The following TRPC7 variants were observed in gnomAD, a reference collection of about 807,000 sequenced individuals.
TRPC7 encodes the protein transient receptor potential cation channel subfamily C member 7.
Under a neutral mutation model 90.1 loss-of-function variants are expected in TRPC7, and 42 were observed. The observed-to-expected ratio is 0.47, with a 90% CI of 0.36 to 0.60. The LOEUF is 0.60. Among genes scored for constraint, TRPC7 ranks in the 20% least tolerant of loss-of-function variants. The probability of loss-of-function intolerance (pLI) is 0.00; values close to 1 mark genes in which losing one functional copy is unlikely to be tolerated. For synonymous variants in TRPC7, 451 were observed against 436.3 expected, an observed-to-expected ratio of 1.03 and a Z score of -0.42; for missense variants, 955 against 1,112.3, an observed-to-expected ratio of 0.86 and a Z score of 2.01.
intron 2 of TRPC7, among the ~76,000 whole-genome samples, chr5:136,332,562 G>T (rs1197297474): frequency 6.6e-6 from 1 of 152,162 alleles, no homozygotes; most frequent in African/African-American, 2.4e-5. Context: ...ACGTGACTTG[G>T]ACCAGAAGGG....
chr5:136,343,886 CA>C (rs1455872774), intron 2 of TRPC7, among the ~76,000 whole-genome samples: 1 of 152,050 alleles, frequency 6.6e-6, no homozygotes, highest in Non-Finnish European at 1.5e-5. Context: ...TTTAATACCT[CA>C]AGACAGAAAT....
intron 2 of TRPC7, among the ~76,000 whole-genome samples, chr5:136,339,839 G>GCAA (rs10573372): frequency 0.018 from 2,438 of 138,216 alleles, 29 homozygotes; most frequent in African/African-American, 0.027. Context: ...TCTCTCTACT[G>GCAA]CAACAACAAC....
At position 136,247,368 on chromosome 5, in the gene TRPC7, A is replaced by G; in HGVS notation, c.1844+103T>C. On this transcript the variant is annotated intron_variant, in intron 7 of 11. Coordinates refer to ENST00000513104, the MANE Select transcript of TRPC7 (RefSeq NM_020389.3). This position sits in a 1 kb window ranked among gnomAD's most constrained non-coding sequence, Gnocchi z 4.2. ...AAAGTTGCCTTTAACCTTGAGAGAT[A>G]GCAAGGAAACAGCAGTCTCTGCAAG... 1 of 1,295,084 alleles carries G rather than the reference A, an allele frequency of 7.7e-7. No homozygotes were observed. 80.2% of individuals were successfully genotyped at this position (1,295,084 alleles called of 1,614,324 possible).
At chr5:136,229,413 T>C (rs1020848551) in intron 8 of TRPC7, among the ~76,000 whole-genome samples, 1 of 152,182 alleles carries the variant, frequency 6.6e-6, no homozygotes, top group Non-Finnish European at 1.5e-5. Context: ...TATCATAGAC[T>C]GAATTGTGTC....
chr5:136,266,465 T>C (rs1185395188), intron 4 of TRPC7, 29 bp from the exon 5 acceptor site: 3 of 1,590,814 alleles, frequency 1.9e-6, no homozygotes, highest in South Asian at 2.2e-5. Flanking sequence ...CAAGACATGT[T>C]AAACTGTCTC....
chr5:136,358,509 G>C (rs1330784786), intron 1 of TRPC7, among the ~76,000 whole-genome samples: 1 of 152,192 alleles, frequency 6.6e-6, no homozygotes, highest in Admixed American at 6.5e-5. Context: ...GACAGACTTT[G>C]AAGTTAGAAG....
chr5:136,283,791 A>T (rs995055325), intron 3 of TRPC7, among the ~76,000 whole-genome samples: 3 of 152,254 alleles, frequency 2.0e-5, no homozygotes, highest in African/African-American at 7.2e-5. Flanking sequence ...CCCAGCATCA[A>T]CCTGACCAAC....
At chr5:136,321,063 T>G (rs970613656) in intron 2 of TRPC7, among the ~76,000 whole-genome samples, 3 of 152,206 alleles carry the variant, frequency 2.0e-5, no homozygotes, top group African/African-American at 7.2e-5. Flanking sequence ...TGGTGGGCAC[T>G]CAGTAAGTTA....
chr5:136,250,063 A>G (rs181322014), intron 6 of TRPC7, among the ~76,000 whole-genome samples: 12 of 152,356 alleles, frequency 7.9e-5, no homozygotes, highest in Admixed American at 3.3e-4. Flanking sequence ...AAAAGTACAT[A>G]ATGCAGCATC....
At chr5:136,357,523 C>T (rs1187649508) in intron 1 of TRPC7, 138 bp from the exon 2 acceptor site, 6 of 949,984 alleles carry the variant, frequency 6.3e-6, no homozygotes, top group Non-Finnish European at 9.1e-6. Flanking sequence ...AAATCATTGT[C>T]TTAATCATCA....
At chr5:136,300,609 C>T (rs577611964) in intron 3 of TRPC7, among the ~76,000 whole-genome samples, 2 of 152,364 alleles carry the variant, frequency 1.3e-5, no homozygotes, top group South Asian at 2.1e-4. Context: ...CAGGCCAGAA[C>T]TGGCATTGGG....
intron 10 of TRPC7, among the ~76,000 whole-genome samples, chr5:136,217,082 A>G (rs941307644): frequency 6.6e-6 from 1 of 152,216 alleles, no homozygotes; most frequent in African/African-American, 2.4e-5. Flanking sequence ...TTCCTGCGAA[A>G]TCACAGGATT....
At chr5:136,315,558 A>G in intron 3 of TRPC7, 39 bp downstream of exon 3, 1 of 1,602,086 alleles carries the variant, frequency 6.2e-7, no homozygotes, top group Non-Finnish European at 8.5e-7. Context: ...CCGAGAAGAG[A>G]GGTGAGATGG....
At chr5:136,242,358 G>A (rs1756200062) in intron 7 of TRPC7, among the ~76,000 whole-genome samples, 1 of 152,122 alleles carries the variant, frequency 6.6e-6, no homozygotes, top group Admixed American at 6.5e-5. Flanking sequence ...ACAGGCCCCA[G>A]CTCACCAACT....
intron 4 of TRPC7, among the ~76,000 whole-genome samples, chr5:136,268,607 G>T (rs893601457): frequency 1.3e-5 from 2 of 152,198 alleles, no homozygotes; most frequent in Non-Finnish European, 2.9e-5. Context: ...TTCCCCAGAA[G>T]ACCTGGTTTA....
Position 136,251,632 on chromosome 5 carries a change from A to G in TRPC7, c.1579+17T>C, listed in dbSNP as rs748039590. ...GGAAGCGCCAAAATGGAGTAGGGGA[A>G]GCACTCTCCGACTCACCGTAGGTGA... On this transcript the variant is annotated intron_variant, in intron 6 of 11. Coordinates refer to ENST00000513104, the MANE Select transcript of TRPC7 (RefSeq NM_020389.3). 1.3e-6 allele frequency: 2 copies of G among 1,572,048 alleles called. No homozygotes were observed. The highest frequency in any genetic ancestry group is 1.1e-5 in the South Asian group (1 of 87,968).
At position 136,238,611 on chromosome 5, in the gene TRPC7, ACC is replaced by A. The variant is rs1374032923; in HGVS notation, c.1845-7064_1845-7063del. On this transcript the variant is annotated intron_variant, in intron 7 of 11. Transcript: ENST00000513104. ...GAATTTTAGTGCATAAAAAGGTGAG[ACC>A]CTCTCCCCTGTCAGACAGTGACCGT... 2.4e-3 allele frequency among the ~76,000 whole-genome samples: 290 copies of A among 120,310 alleles called. 1 individual carries two copies. Among genetic ancestry groups the A allele is most frequent in the African/African-American group, 8.1e-3 (268 of 32,950 alleles). The allele number at this position is 120,310 out of a possible 152,430, so 78.9% of individuals were successfully genotyped here.
chr5:136,329,835 C>A (rs1295304321), intron 2 of TRPC7, among the ~76,000 whole-genome samples: 12 of 152,174 alleles, frequency 7.9e-5, no homozygotes, highest in African/African-American at 2.9e-4. Context: ...CCTGGAAGAG[C>A]CTCTCCTCAG....
At position 136,247,387 on chromosome 5, in the gene TRPC7, C is replaced by T; in HGVS notation, c.1844+84G>A. 5.5e-6 allele frequency: 8 copies of T among 1,449,858 alleles called. No homozygotes were observed. Among genetic ancestry groups the T allele is most frequent in the Non-Finnish European group, 7.4e-6 (8 of 1,077,340 alleles). The allele number at this position is 1,449,858 out of a possible 1,614,324, so 89.8% of individuals were successfully genotyped here. ...AGAGATAGCAAGGAAACAGCAGTCT[C>T]TGCAAGAAGCCACCTTCAGGAGACT... On this transcript the variant is annotated intron_variant, in intron 7 of 11. Coordinates refer to ENST00000513104, the MANE Select transcript of TRPC7 (RefSeq NM_020389.3). This position sits in a 1 kb window ranked among gnomAD's most constrained non-coding sequence, Gnocchi z 4.2.
Sources: gnomAD v4.1 joint callset for allele counts (sites outside exome capture counted in the v4.1 genomes callset) on GRCh38, gnomAD v4.1.1 for gene constraint, Gnocchi (gnomAD v3.1) non-coding constraint, MANE v1.5 for transcripts, NCBI Gene and HGNC (gene_info 2026-07-23, HGNC 2026-07-21) for gene names.